The following DRD2 variants were observed in gnomAD, a reference collection of about 807,000 sequenced individuals.
DRD2 encodes the protein dopamine receptor D2.
A neutral mutation model predicts 38.0 loss-of-function variants in DRD2; 8 were observed. The observed-to-expected ratio is 0.21, with a 90% CI of 0.12 to 0.38. The LOEUF is 0.38. DRD2 is among the 10% of genes least tolerant of loss of function. The probability of loss-of-function intolerance (pLI) is 1.00; values close to 1 mark genes in which losing one functional copy is unlikely to be tolerated. For missense variants in DRD2, 403 were observed against 607.7 expected (o/e 0.66, Z 3.54); for synonymous variants, 230 against 238.6 (o/e 0.96, Z 0.33).
chr11:113,429,180 C>T (rs1673485589), intron 1 of DRD2, among the ~76,000 whole-genome samples: 1 of 152,214 alleles, frequency 6.6e-6, no homozygotes, highest in Admixed American at 6.5e-5. Context: ...TGGCAAATGC[C>T]TAAATACCTG....
intron 1 of DRD2, among the ~76,000 whole-genome samples, chr11:113,471,257 G>T (rs1299208707): frequency 6.6e-6 from 1 of 152,144 alleles, no homozygotes; most frequent in Non-Finnish European, 1.5e-5. Context: ...CAATTACATT[G>T]GTCATGGGAA....
intron 1 of DRD2, among the ~76,000 whole-genome samples, chr11:113,458,524 C>T (rs1443548320): frequency 6.6e-6 from 1 of 152,214 alleles, no homozygotes; most frequent in African/African-American, 2.4e-5. Context: ...TCAAATGCAT[C>T]AGCTAAGATT....
At chr11:113,420,083 C>CAGA (rs1419685569) in intron 2 of DRD2, among the ~76,000 whole-genome samples, 2 of 152,142 alleles carry the variant, frequency 1.3e-5, no homozygotes, top group Non-Finnish European at 2.9e-5. Context: ...TACCACTGGG[C>CAGA]AGAAAACCAG....
chr11:113,452,025 A>C (rs1415888719), intron 1 of DRD2, among the ~76,000 whole-genome samples: 1 of 151,686 alleles, frequency 6.6e-6, no homozygotes, highest in Non-Finnish European at 1.5e-5. Context: ...AACACATTCA[A>C]CTCACACCCC....
intron 1 of DRD2, among the ~76,000 whole-genome samples, chr11:113,439,471 T>C (rs553439778): frequency 1.3e-5 from 2 of 152,238 alleles, no homozygotes; most frequent in Admixed American, 6.5e-5. Context: ...TGGAAAAATA[T>C]AGAATATTGA....
At chr11:113,422,194 G>T (rs116062498) in intron 2 of DRD2, among the ~76,000 whole-genome samples, 1 of 152,152 alleles carries the variant, frequency 6.6e-6, no homozygotes, top group African/African-American at 2.4e-5. Flanking sequence ...TATCCCAAGG[G>T]GGCGGTGAAT....
chr11:113,422,814 G>A (rs966454782), intron 2 of DRD2, among the ~76,000 whole-genome samples: 16 of 152,166 alleles, frequency 1.1e-4, no homozygotes, highest in East Asian at 3.9e-4. Flanking sequence ...CACCAGTCTC[G>A]CCTCCTCACC....
At chr11:113,441,674 GTC>G (rs1370196842) in intron 1 of DRD2, among the ~76,000 whole-genome samples, 1 of 152,124 alleles carries the variant, frequency 6.6e-6, no homozygotes, top group Non-Finnish European at 1.5e-5. Context: ...GGAATGGACT[GTC>G]TCCACACTCC....
At chr11:113,423,262 TTTTTG>T (rs1950903142) in intron 2 of DRD2, among the ~76,000 whole-genome samples, 1 of 147,572 alleles carries the variant, frequency 6.8e-6, no homozygotes, top group African/African-American at 2.4e-5. Flanking sequence ...TCCTATTTTG[TTTTTG>T]TTTTAATTTA....
chr11:113,427,020 C>G (rs1338558000), intron 1 of DRD2, among the ~76,000 whole-genome samples: 1 of 152,230 alleles, frequency 6.6e-6, no homozygotes, highest in Admixed American at 6.5e-5. Context: ...TTACTGCCCC[C>G]ATCCTGACCA....
chr11:113,425,893 G>A (rs912668395), intron 1 of DRD2, among the ~76,000 whole-genome samples: 9 of 152,118 alleles, frequency 5.9e-5, no homozygotes, highest in Non-Finnish European at 1.3e-4. Flanking sequence ...GGGTATGGCA[G>A]TAACGTTGAG....
intron 1 of DRD2, among the ~76,000 whole-genome samples, chr11:113,431,049 A>G (rs1463730116): frequency 6.6e-6 from 1 of 152,104 alleles, no homozygotes; most frequent in Non-Finnish European, 1.5e-5. Flanking sequence ...CTTGCTCACC[A>G]CCCTCCAAAT....
At position 113,415,529 on chromosome 11, in the gene DRD2, G is replaced by A; in HGVS notation, c.615C>T (p.Thr205=). 1 of 1,614,038 alleles carries A rather than the reference G, an allele frequency of 6.2e-7. No homozygotes were observed. The change falls in exon 5 of 8, where the codon ACC becomes ACT. Residue 205 remains threonine (T), a synonymous_variant. Coordinates refer to ENST00000362072, the MANE Select transcript of DRD2 (RefSeq NM_000795.4). The part of the protein sequence containing the change: ...IVSFYVPFIV[T]LLVYIKIYIV... ...TGTAGATCTTGATGTAGACCAGCAG[G>A]GTGACAATGAAGGGCACGTAGAAGG...
chr11:113,472,093 A>C (rs1325427915), intron 1 of DRD2, among the ~76,000 whole-genome samples: 1 of 152,228 alleles, frequency 6.6e-6, no homozygotes. Context: ...GGTGGGTGCC[A>C]ACACAGGATT....
intron 1 of DRD2, among the ~76,000 whole-genome samples, chr11:113,425,150 G>A (rs1204263523): frequency 6.6e-6 from 1 of 152,194 alleles, no homozygotes; most frequent in East Asian, 1.9e-4. Context: ...CACATTCTAG[G>A]AGAAACAACA....
intron 5 of DRD2, 88 bp from the exon 6 acceptor site, chr11:113,414,549 A>C: frequency 7.3e-7 from 1 of 1,378,846 alleles, no homozygotes; most frequent in East Asian, 2.3e-5. Flanking sequence ...CATGGAACTC[A>C]GACTGGGCAG....
chr11:113,436,069 C>T (rs558723907), intron 1 of DRD2, among the ~76,000 whole-genome samples: 8 of 152,314 alleles, frequency 5.3e-5, no homozygotes, highest in African/African-American at 9.6e-5. Flanking sequence ...TCTCATCCTT[C>T]GGCTCCAGCA....
intron 1 of DRD2, among the ~76,000 whole-genome samples, chr11:113,433,784 A>T (rs1951011752): frequency 6.6e-6 from 1 of 152,104 alleles, no homozygotes; most frequent in African/African-American, 2.4e-5. Context: ...GCCCAGCTTG[A>T]GGTTGGCAAC....
Position 113,410,191 on chromosome 11 carries a change from A to G in DRD2, c.*536T>C, listed in dbSNP as rs1950753937. 5.2e-6 allele frequency: 1 copy of G among 190,960 alleles called. No individual in the cohort carries two copies. 11.8% of individuals were successfully genotyped at this position (190,960 alleles called of 1,614,324 possible). On this transcript the variant is annotated 3_prime_UTR_variant, in exon 8 of 8. Coordinates refer to ENST00000362072, the MANE Select transcript of DRD2 (RefSeq NM_000795.4). ...AGGGAGCTAAGGTTTTTGGCTTGGG[A>G]ATCTCTGGGGTCCAACCTGCAGTCT...
Sources: allele counts gnomAD v4.1 joint callset (sites outside exome capture counted in the v4.1 genomes callset), GRCh38; gene constraint gnomAD v4.1.1; transcripts MANE v1.5; gene names NCBI Gene and HGNC (gene_info 2026-07-23, HGNC 2026-07-21).